VAV2: variants seen among roughly 807,000 people sequenced by gnomAD.
VAV2 encodes guanine nucleotide exchange factor VAV2.
Under a neutral mutation model 132.5 loss-of-function variants are expected in VAV2, and 67 were observed. The observed-to-expected ratio is 0.51, with a 90% CI of 0.42 to 0.62. The LOEUF is 0.62. Among genes scored for constraint, VAV2 ranks in the 20% least tolerant of loss-of-function variants. The pLI is 0.00. For missense variants in VAV2, 938 were observed against 1,153.6 expected (o/e 0.81, Z 2.71); for synonymous variants, 492 against 443.5 (o/e 1.11, Z -1.37).
intron 2 of VAV2, among the ~76,000 whole-genome samples, chr9:133,900,998 CCG>C (rs1246621519): frequency 6.6e-6 from 1 of 151,802 alleles, no homozygotes; most frequent in Non-Finnish European, 1.5e-5. Context: ...CGGGGTTTCA[CCG>C]TTTTGGCCAG....
intron 1 of VAV2, among the ~76,000 whole-genome samples, chr9:133,963,259 C>T (rs1486542999): frequency 6.6e-6 from 1 of 152,090 alleles, no homozygotes; most frequent in African/African-American, 2.4e-5. Flanking sequence ...AATCAGGGAT[C>T]GGAGCCCTCA....
At chr9:133,821,896 T>C (rs1260332144) in intron 4 of VAV2, among the ~76,000 whole-genome samples, 1 of 152,124 alleles carries the variant, frequency 6.6e-6, no homozygotes, top group Non-Finnish European at 1.5e-5. Flanking sequence ...TCCTGCCCCG[T>C]CTCATCCTTT....
intron 2 of VAV2, among the ~76,000 whole-genome samples, chr9:133,930,796 C>G (rs1840658871): frequency 6.6e-6 from 1 of 152,130 alleles, no homozygotes; most frequent in Admixed American, 6.5e-5. Flanking sequence ...GAGGCCGGCA[C>G]TCAGGTGACC....
In VAV2 at chr9:133,883,743, G is replaced by C. The variant is rs893783998; in HGVS notation, c.322-22311C>G. ...CAGGGAGCTCACTACCCAAGGTGGC[G>C]GACGAGAAGCCCTCCCGGGATCCAG... On this transcript the variant is annotated intron_variant, in intron 2 of 29. Coordinates refer to ENST00000371850, the MANE Select transcript of VAV2 (RefSeq NM_001134398.2). This position sits in a 1 kb window ranked among gnomAD's most constrained non-coding sequence, Gnocchi z 4.2. Among the ~76,000 whole-genome samples, 1 of 152,168 alleles carries C rather than the reference G, an allele frequency of 6.6e-6. No homozygotes were observed. The highest frequency in any genetic ancestry group is 6.5e-5 in the Admixed American group (1 of 15,278).
In VAV2 at chr9:133,774,939, T is replaced by G. The variant is rs1307709067; in HGVS notation, c.2131A>C (p.Ile711Leu). 1.9e-6 allele frequency: 3 copies of G among 1,611,768 alleles called. No homozygotes were observed. The highest frequency in any genetic ancestry group is 2.5e-6 in the Non-Finnish European group (3 of 1,178,838). The change falls in exon 25 of 30, where the codon ATC (isoleucine) becomes CTC (leucine). Residue 711 changes from isoleucine (I) to leucine (L), a missense_variant. By Grantham distance (5) the Ile-to-Leu change is conservative. Coordinates refer to ENST00000371850, the MANE Select transcript of VAV2 (RefSeq NM_001134398.2). The part of the protein sequence containing the change: ...PAEAERFAIS[I>L]KFNDEVKHIK... The stretch of plus-strand genomic sequence containing the variant: ...GAGCCCAGAGCCGCCACTTACTTGA[T>G]GCTTATTGCAAAGCGCTCAGCCTCG...
chr9:133,865,930 C>T (rs1444520971), intron 2 of VAV2, among the ~76,000 whole-genome samples: 1 of 152,236 alleles, frequency 6.6e-6, no homozygotes, highest in African/African-American at 2.4e-5. Context: ...ATGCCTGGTG[C>T]CAAAGCAGGG....
intron 4 of VAV2, among the ~76,000 whole-genome samples, chr9:133,818,802 C>T (rs919418750): frequency 3.3e-5 from 5 of 152,200 alleles, no homozygotes; most frequent in Non-Finnish European, 7.3e-5. Context: ...GACTCACTTT[C>T]TCCTGTTTCT....
At chr9:133,811,569 T>A (rs1835359315) in intron 5 of VAV2, among the ~76,000 whole-genome samples, 1 of 152,120 alleles carries the variant, frequency 6.6e-6, no homozygotes, top group Non-Finnish European at 1.5e-5. Context: ...CTGCTGGCAA[T>A]AAACCCACGC....
chr9:133,939,544 C>T (rs1001450685), intron 1 of VAV2, among the ~76,000 whole-genome samples: 1 of 151,850 alleles, frequency 6.6e-6, no homozygotes, highest in African/African-American at 2.4e-5. Flanking sequence ...ACACGCCACT[C>T]CCCGTAACCG....
chr9:133,860,407 T>C (rs1837549884), intron 3 of VAV2, among the ~76,000 whole-genome samples: 1 of 152,104 alleles, frequency 6.6e-6, no homozygotes, highest in African/African-American at 2.4e-5. Flanking sequence ...CCCGTGGGTT[T>C]AGGAACATTT....
At chr9:133,908,260 G>C (rs1027736332) in intron 2 of VAV2, among the ~76,000 whole-genome samples, 1 of 152,060 alleles carries the variant, frequency 6.6e-6, no homozygotes, top group South Asian at 2.1e-4. Context: ...GAGATGGGCG[G>C]AGATGGGGTG....
At chr9:133,888,198 G>C (rs116456243) in intron 2 of VAV2, among the ~76,000 whole-genome samples, 3 of 152,244 alleles carry the variant, frequency 2.0e-5, no homozygotes, top group Non-Finnish European at 4.4e-5. Context: ...GGGAGCCAGG[G>C]GCCAGGGGAG....
chr9:133,896,666 G>A (rs531432511), intron 2 of VAV2, among the ~76,000 whole-genome samples: 120 of 152,220 alleles, frequency 7.9e-4, no homozygotes, highest in African/African-American at 2.7e-3. Context: ...ATTCACATAA[G>A]CAACACTGTA....
intron 2 of VAV2, among the ~76,000 whole-genome samples, chr9:133,927,169 C>A (rs889398020): frequency 1.3e-5 from 2 of 152,140 alleles, no homozygotes; most frequent in Non-Finnish European, 2.9e-5. Context: ...GCTCTCTCCT[C>A]TTTCTGGGGA....
intron 2 of VAV2, among the ~76,000 whole-genome samples, chr9:133,910,001 G>A (rs1287146525): frequency 6.6e-6 from 1 of 152,092 alleles, no homozygotes; most frequent in Non-Finnish European, 1.5e-5. Flanking sequence ...AGCCCCCCAC[G>A]AGCCACACGA....
intron 16 of VAV2, 136 bp downstream of exon 16, chr9:133,787,110 G>A: frequency 2.1e-6 from 2 of 937,222 alleles, no homozygotes; most frequent in South Asian, 3.2e-5. Flanking sequence ...TCGGGAAAGG[G>A]AGTGGAGGAC....
intron 2 of VAV2, among the ~76,000 whole-genome samples, chr9:133,896,388 A>C (rs1053201108): frequency 1.6e-4 from 24 of 152,200 alleles, no homozygotes; most frequent in African/African-American, 5.8e-4. Flanking sequence ...CGGGAGGCAG[A>C]GGTTGCAATG....
At chr9:133,971,903 C>T (rs1842347654) in intron 1 of VAV2, among the ~76,000 whole-genome samples, 1 of 152,172 alleles carries the variant, frequency 6.6e-6, no homozygotes, top group Non-Finnish European at 1.5e-5. Flanking sequence ...GCCCCTGGGG[C>T]TGCAGATCCC....
intron 1 of VAV2, among the ~76,000 whole-genome samples, chr9:133,982,755 C>T (rs1588221277): frequency 6.6e-6 from 1 of 152,300 alleles, no homozygotes; most frequent in Non-Finnish European, 1.5e-5. Flanking sequence ...AAGGTTTTTA[C>T]GTTTTTAAAT....
Sources: allele counts gnomAD v4.1 joint callset (sites outside exome capture counted in the v4.1 genomes callset), GRCh38; gene constraint gnomAD v4.1.1; non-coding constraint Gnocchi (gnomAD v3.1); transcripts MANE v1.5; gene names NCBI Gene and HGNC (gene_info 2026-07-23, HGNC 2026-07-21).